Variants in TRABD2B observed in about 807,000 individuals in gnomAD.
The protein encoded by TRABD2B is metalloprotease TIKI2.
TRABD2B carries 14 observed loss-of-function variants against 40.1 expected under a neutral mutation model. The ratio of observed to expected loss-of-function variants is 0.35; its 90% CI spans 0.23 to 0.55. The LOEUF (loss-of-function observed/expected upper bound fraction) is 0.55. TRABD2B is among the 20% of genes least tolerant of loss of function. TRABD2B has a pLI of 0.90. For synonymous variants in TRABD2B, 263 were observed against 277.0 expected (o/e 0.95, Z 0.50); for missense variants, 541 against 648.6 (o/e 0.83, Z 1.80).
intron 2 of TRABD2B, among the ~76,000 whole-genome samples, chr1:47,982,206 A>G (rs560759834): frequency 1.6e-4 from 25 of 152,332 alleles, no homozygotes; most frequent in African/African-American, 6.0e-4. Context: ...TGTGTGAGAG[A>G]CCAAAGGACC....
intron 2 of TRABD2B, among the ~76,000 whole-genome samples, chr1:47,841,786 C>CTTTTTT (rs780669674): frequency 7.3e-6 from 1 of 136,466 alleles, no homozygotes; most frequent in Non-Finnish European, 1.6e-5. Flanking sequence ...TTTTCTTTTT[C>CTTTTTT]TTTTTTTTTT....
chr1:47,953,199 C>T (rs1645371214), intron 2 of TRABD2B, among the ~76,000 whole-genome samples: 7 of 152,210 alleles, frequency 4.6e-5, no homozygotes, highest in Admixed American at 4.6e-4. Context: ...GCAGGTACTG[C>T]ACTTGTCCCA....
intron 2 of TRABD2B, among the ~76,000 whole-genome samples, chr1:47,967,496 C>T (rs1392612454): frequency 3.3e-5 from 5 of 152,176 alleles, no homozygotes; most frequent in Non-Finnish European, 7.3e-5. Flanking sequence ...CAATACCTCA[C>T]CATCTTCACC....
intron 2 of TRABD2B, among the ~76,000 whole-genome samples, chr1:47,861,911 T>C (rs898775580): frequency 4.6e-5 from 7 of 152,164 alleles, no homozygotes; most frequent in Admixed American, 3.3e-4. Flanking sequence ...AAGAATTACA[T>C]ACCACAACCA....
chr1:47,880,001 A>G (rs1644279822), intron 2 of TRABD2B, among the ~76,000 whole-genome samples: 1 of 152,242 alleles, frequency 6.6e-6, no homozygotes, highest in Non-Finnish European at 1.5e-5. Flanking sequence ...TCTAGGAGAG[A>G]GGAGGCTCCT....
At chr1:47,769,743 G>C (rs548439270) in intron 6 of TRABD2B, among the ~76,000 whole-genome samples, 1 of 152,358 alleles carries the variant, frequency 6.6e-6, no homozygotes, top group South Asian at 2.1e-4. Context: ...AGTCAACAGG[G>C]ACCCCAAAGT....
At chr1:47,919,235 G>A (rs929405923) in intron 2 of TRABD2B, among the ~76,000 whole-genome samples, 2 of 152,262 alleles carry the variant, frequency 1.3e-5, no homozygotes, top group African/African-American at 2.4e-5. Context: ...GTAAATAAAT[G>A]TACAGATGGG....
intron 3 of TRABD2B, among the ~76,000 whole-genome samples, chr1:47,800,874 G>A (rs1644813496): frequency 6.6e-6 from 1 of 152,184 alleles, no homozygotes; most frequent in Non-Finnish European, 1.5e-5. Flanking sequence ...TGCAGAGCAA[G>A]GTCTGTAGGG....
chr1:47,907,697 G>A (rs923578720), intron 2 of TRABD2B, among the ~76,000 whole-genome samples: 3 of 152,230 alleles, frequency 2.0e-5, no homozygotes, highest in Admixed American at 6.5e-5. Flanking sequence ...ATCCCAGGTC[G>A]CTGGAGGCCA....
chr1:47,855,014 C>T (rs941624299), intron 2 of TRABD2B, among the ~76,000 whole-genome samples: 1 of 152,166 alleles, frequency 6.6e-6, no homozygotes, highest in Non-Finnish European at 1.5e-5. Context: ...GGATCATCAG[C>T]AGATATGATA....
intron 2 of TRABD2B, among the ~76,000 whole-genome samples, chr1:47,803,624 T>G (rs956606130): frequency 1.3e-5 from 2 of 152,224 alleles, no homozygotes; most frequent in Non-Finnish European, 2.9e-5. Flanking sequence ...ATAGTTGTGG[T>G]GATAGATACA....
At chr1:47,953,629 A>G (rs1488712721) in intron 2 of TRABD2B, among the ~76,000 whole-genome samples, 1 of 152,130 alleles carries the variant, frequency 6.6e-6, no homozygotes, top group Non-Finnish European at 1.5e-5. Context: ...TAGTCACTTC[A>G]CCTCTTTGAG....
chr1:47,870,652 C>T (rs1448968855), intron 2 of TRABD2B, among the ~76,000 whole-genome samples: 1 of 152,184 alleles, frequency 6.6e-6, no homozygotes, highest in Non-Finnish European at 1.5e-5. Context: ...GTTAGTGACA[C>T]AAAAATGAAT....
chr1:47,814,524 T>A (rs1645004576), intron 2 of TRABD2B, among the ~76,000 whole-genome samples: 1 of 152,152 alleles, frequency 6.6e-6, no homozygotes, highest in South Asian at 2.1e-4. Flanking sequence ...TCCAAATCTT[T>A]CCTGGCTTGC....
chr1:47,854,943 G>A (rs1023326323), intron 2 of TRABD2B, among the ~76,000 whole-genome samples: 1 of 152,206 alleles, frequency 6.6e-6, no homozygotes, highest in African/African-American at 2.4e-5. Flanking sequence ...TGTAGGGCAA[G>A]CTGCTTACCA....
intron 2 of TRABD2B, among the ~76,000 whole-genome samples, chr1:47,956,771 C>T (rs1367863995): frequency 6.6e-6 from 1 of 152,274 alleles, no homozygotes; most frequent in Non-Finnish European, 1.5e-5. Flanking sequence ...TAGACTCCAC[C>T]TCTGGGGGCA....
intron 2 of TRABD2B, among the ~76,000 whole-genome samples, chr1:47,907,802 C>T (rs1047427434): frequency 6.6e-6 from 1 of 152,294 alleles, no homozygotes; most frequent in African/African-American, 2.4e-5. Flanking sequence ...TGTGTAATAA[C>T]TGATTGAAAG....
chr1:47,917,733 C>CA (rs1644848879), intron 2 of TRABD2B, among the ~76,000 whole-genome samples: 1 of 150,042 alleles, frequency 6.7e-6, no homozygotes, highest in African/African-American at 2.5e-5. Flanking sequence ...GACACTGTCT[C>CA]AAAAAAGAAA....
At chr1:47,832,155 G>C (rs943768143) in intron 2 of TRABD2B, among the ~76,000 whole-genome samples, 1 of 152,038 alleles carries the variant, frequency 6.6e-6, no homozygotes, top group Non-Finnish European at 1.5e-5. Flanking sequence ...ATGTGGTGAA[G>C]CCCCATCTCT....
Sources: allele counts gnomAD v4.1 joint callset (sites outside exome capture counted in the v4.1 genomes callset), GRCh38; gene constraint gnomAD v4.1.1; transcripts MANE v1.5; gene names NCBI Gene and HGNC (gene_info 2026-07-23, HGNC 2026-07-21).